The following WDR86 variants were observed in gnomAD, a reference collection of about 807,000 sequenced individuals.
WDR86 encodes WD repeat domain 86.
WDR86 carries 30 observed loss-of-function variants against 36.5 expected under a neutral mutation model. The ratio of observed to expected loss-of-function variants is 0.82; its 90% CI spans 0.61 to 1.11. The LOEUF (loss-of-function observed/expected upper bound fraction) is 1.11. Among genes scored for constraint, WDR86 ranks in the 50% most tolerant of loss-of-function variants. WDR86 has a pLI of 0.00. For synonymous variants in WDR86, 255 were observed against 252.9 expected, an observed-to-expected ratio of 1.01 and a Z score of -0.08; for missense variants, 545 against 561.2, an observed-to-expected ratio of 0.97 and a Z score of 0.29.
chr7:151,385,916 A>C (rs752431737), intron 3 of WDR86, among the ~76,000 whole-genome samples: 2 of 152,120 alleles, frequency 1.3e-5, no homozygotes, highest in African/African-American at 2.4e-5. Flanking sequence ...AAATTCCCCT[A>C]GACTAAACAC....
Position 151,390,993 on chromosome 7 carries a change from G to A in WDR86, c.726+4783C>T, listed in dbSNP as rs780588885. Among the ~76,000 whole-genome samples the A allele has an allele frequency of 6.6e-6, 1 of 152,224 alleles. No individual in the cohort carries two copies. The highest frequency in any genetic ancestry group is 1.5e-5 in the Non-Finnish European group (1 of 68,042). ...TTGCACAACACTGAACGTGCTTCAC[G>A]CCCTGAGTAAATGCTGAAAATGGTT... is the stretch of plus-strand genomic sequence containing the variant. On this transcript the variant is annotated intron_variant, in intron 3 of 5. Coordinates refer to ENST00000334493, the MANE Select transcript of WDR86 (RefSeq NM_198285.3). The surrounding 1 kb of genome is among the most constrained non-coding windows in gnomAD (Gnocchi z 4.5).
chr7:151,387,616 G>C (rs1799084930), intron 3 of WDR86, among the ~76,000 whole-genome samples: 1 of 152,106 alleles, frequency 6.6e-6, no homozygotes, highest in South Asian at 2.1e-4. Context: ...AGAAGCAGGA[G>C]AGGCACCGGC....
chr7:151,391,216 C>A (rs941555447), intron 3 of WDR86, among the ~76,000 whole-genome samples: 1 of 152,224 alleles, frequency 6.6e-6, no homozygotes, highest in Non-Finnish European at 1.5e-5. Flanking sequence ...CCTGCGGGGG[C>A]GGGGCCCAGC....
Position 151,381,553 on chromosome 7 carries a change from G to A in WDR86, c.*29C>T. The A allele has an allele frequency of 7.2e-7, 1 of 1,385,030 alleles. No individual in the cohort carries two copies. The highest frequency in any genetic ancestry group is 9.2e-7 in the Non-Finnish European group (1 of 1,081,224). The allele number at this position is 1,385,030 out of a possible 1,614,324, so 85.8% of individuals were successfully genotyped here. On this transcript the variant is annotated 3_prime_UTR_variant, in exon 6 of 6. Transcript: ENST00000334493. This position sits in a 1 kb window ranked among gnomAD's most constrained non-coding sequence, Gnocchi z 4.8. ...GCGCTCTGGGAGCCGCTGGGTGTCTGGGCTGGCGTCTGCAGGGGCCCCGCG... is the reference window on the plus strand; with the variant it reads ...GCGCTCTGGGAGCCGCTGGGTGTCTAGGCTGGCGTCTGCAGGGGCCCCGCG...
At chr7:151,378,728 C>T (rs1798427628), downstream of WDR86, among the ~76,000 whole-genome samples, 1 of 152,236 alleles carries the variant, frequency 6.6e-6, no homozygotes, top group Admixed American at 6.5e-5. Flanking sequence ...GGAGTCTCAG[C>T]CTCATTTGAC....
At chr7:151,410,320 G>T (rs375726947), upstream of WDR86, among the ~76,000 whole-genome samples, 161 of 152,280 alleles carry the variant, frequency 1.1e-3, 8 homozygotes, top group South Asian at 0.032. Context: ...CGCGCGCCGG[G>T]AACTCATTTG....
At chr7:151,371,347 T>C (rs1366710021), downstream of WDR86, among the ~76,000 whole-genome samples, 1 of 137,338 alleles carries the variant, frequency 7.3e-6, no homozygotes, top group East Asian at 2.8e-4. Context: ...GGACCTGAGG[T>C]CTGTCTTTTA....
rs79935337 is a variant in WDR86 at position 151,405,851 on chromosome 7, G to A, written c.163+3576C>T. ...ACCCAGGAAATTAACAACAATCCCC[G>A]CCCCCTCATGTTAGAAGACGAGGAA... On this transcript the variant is annotated intron_variant, in intron 1 of 5. Transcript: ENST00000334493. This position sits in a 1 kb window ranked among gnomAD's most constrained non-coding sequence, Gnocchi z 4.7. Among the ~76,000 whole-genome samples, 7,117 of 152,166 alleles carry A rather than the reference G, an allele frequency of 0.047. 201 individuals carry two copies. The highest frequency in any genetic ancestry group is 0.067 in the African/African-American group (2,796 of 41,496).
At position 151,409,868 on chromosome 7, in the gene WDR86, T is replaced by G; in HGVS notation, c.-279A>C. 1 of 1,179,312 alleles carries G rather than the reference T, an allele frequency of 8.5e-7. No individual in the cohort carries two copies. 73.1% of individuals were successfully genotyped at this position (1,179,312 alleles called of 1,614,324 possible). A position where few individuals can be genotyped will look rare whatever the true frequency, so the allele number is the denominator to read the frequency against. On this transcript the variant is annotated 5_prime_UTR_variant, in exon 1 of 6. Transcript: ENST00000334493. This position sits in a 1 kb window ranked among gnomAD's most constrained non-coding sequence, Gnocchi z 5.2. ...GGCGCGCGGGCAGAGAGAACCCCCT[T>G]CCCAGCACCGCTCGGAGGATCCACA...
chr7:151,376,698 T>G (rs1399648874), downstream of WDR86: 2 of 1,609,968 alleles, frequency 1.2e-6, no homozygotes, highest in African/African-American at 2.7e-5. Flanking sequence ...AGAGGCAACG[T>G]CCAGCTGGCC....
chr7:151,373,969 G>A, downstream of WDR86: 2 of 994,600 alleles, frequency 2.0e-6, no homozygotes, highest in South Asian at 1.8e-5. Context: ...GTAGAAAGAG[G>A]GCCCCCTGTG....
the WDR86 span, among the ~76,000 whole-genome samples, chr7:151,369,458 C>T: frequency 6.6e-6 from 1 of 152,174 alleles, no homozygotes; most frequent in Non-Finnish European, 1.5e-5. Context: ...ATTGTTTTTT[C>T]ATGAGGTCAT....
At chr7:151,410,445 C>T (rs983015948), upstream of WDR86, 1 of 152,464 alleles carries the variant, frequency 6.6e-6, no homozygotes, top group Admixed American at 6.5e-5. Context: ...TGGGGGCGGT[C>T]CCCCAATGGA....
intron 3 of WDR86, among the ~76,000 whole-genome samples, chr7:151,393,558 G>C (rs1040116184): frequency 2.0e-5 from 3 of 152,102 alleles, no homozygotes; most frequent in Non-Finnish European, 4.4e-5. Flanking sequence ...CTATGCCTGC[G>C]CTGGTTCCTC....
intron 2 of WDR86, among the ~76,000 whole-genome samples, chr7:151,398,915 C>G (rs1161239345): frequency 1.3e-5 from 2 of 152,170 alleles, no homozygotes; most frequent in Non-Finnish European, 2.9e-5. Context: ...GAGGGCGCTC[C>G]CCCAGCCCTA....
chr7:151,398,438 TGTGTATGA>T (rs1218540092), intron 2 of WDR86, among the ~76,000 whole-genome samples: 1 of 151,786 alleles, frequency 6.6e-6, no homozygotes, highest in Non-Finnish European at 1.5e-5. Context: ...ATGTGTAAGT[TGTGTATGA>T]GTGTATGTGT....
downstream of WDR86, among the ~76,000 whole-genome samples, chr7:151,379,735 T>C (rs947466584): frequency 1.3e-5 from 2 of 152,146 alleles, no homozygotes; most frequent in African/African-American, 4.8e-5. Context: ...CCCACTGGGT[T>C]TCTCTGGATG....
At chr7:151,386,231 C>T (rs577148068) in intron 3 of WDR86, among the ~76,000 whole-genome samples, 1 of 152,330 alleles carries the variant, frequency 6.6e-6, no homozygotes, top group East Asian at 1.9e-4. Flanking sequence ...CTTCCCCTCA[C>T]GACCACGCTC....
downstream of WDR86, chr7:151,376,190 A>G (rs148963851): frequency 3.2e-4 from 162 of 504,992 alleles, 1 homozygote; most frequent in East Asian, 5.0e-3. Context: ...GCCTTTGTCT[A>G]TGCACCACTG....
Sources: gnomAD v4.1 joint callset for allele counts (sites outside exome capture counted in the v4.1 genomes callset) on GRCh38, gnomAD v4.1.1 for gene constraint, Gnocchi (gnomAD v3.1) non-coding constraint, MANE v1.5 for transcripts, NCBI Gene and HGNC (gene_info 2026-07-23, HGNC 2026-07-21) for gene names.